IPO7: variants seen among roughly 807,000 people sequenced by gnomAD.
IPO7 encodes the protein importin-7.
A neutral mutation model predicts 136.4 loss-of-function variants in IPO7; 13 were observed. That is an observed-to-expected ratio of 0.10 (90% CI 0.06 to 0.15). IPO7 has a LOEUF of 0.15. Ranked by LOEUF, IPO7 falls within the 10% of genes least tolerant of loss-of-function variation. The pLI is 1.00. For synonymous variants in IPO7, 403 were observed against 404.4 expected (o/e 1.00, Z 0.04); for missense variants, 857 against 1,240.6 (o/e 0.69, Z 4.65).
chr11:9,437,691 T>G (rs1855398998), intron 20 of IPO7, 63 bp from the exon 21 acceptor site: 1 of 1,222,532 alleles, frequency 8.2e-7, no homozygotes, highest in Admixed American at 2.1e-5. Flanking sequence ...GAAGTTAATA[T>G]TTTTAGAATG....
intron 1 of IPO7, among the ~76,000 whole-genome samples, chr11:9,386,319 A>G (rs1854551706): frequency 6.6e-6 from 1 of 152,144 alleles, no homozygotes; most frequent in Admixed American, 6.6e-5. Context: ...ATTTTTTTGG[A>G]TATAAAATAG....
rs1286752352 is a variant in IPO7, at chr11:9,447,654, T to C, written c.*2460T>C. 1 of 152,212 alleles carries C rather than the reference T, an allele frequency of 6.6e-6. No individual in the cohort carries two copies. Among genetic ancestry groups the C allele is most frequent in the Non-Finnish European group, 1.5e-5 (1 of 68,036 alleles). 9.4% of individuals were successfully genotyped at this position (152,212 alleles called of 1,614,324 possible). A position where few individuals can be genotyped will look rare whatever the true frequency, so the allele number is the denominator to read the frequency against. On this transcript the variant is annotated 3_prime_UTR_variant, in exon 25 of 25. Coordinates refer to ENST00000379719, the MANE Select transcript of IPO7 (RefSeq NM_006391.3). ...GTTTTATTACCCTGTAATTTTTTTT[T>C]AGTTGTAGAAGTTAATTCTGATTTT... is the stretch of plus-strand genomic sequence containing the variant.
intron 2 of IPO7, among the ~76,000 whole-genome samples, chr11:9,405,511 C>T (rs919213038): frequency 2.6e-5 from 4 of 152,108 alleles, no homozygotes; most frequent in Non-Finnish European, 5.9e-5. Context: ...TAAACTCTGC[C>T]TCCCAGGCTC....
chr11:9,402,532 G>A (rs1479767997), intron 1 of IPO7, among the ~76,000 whole-genome samples: 8 of 151,674 alleles, frequency 5.3e-5, no homozygotes, highest in Admixed American at 2.6e-4. Context: ...GACCAGCTTG[G>A]CCAATATGGT....
At chr11:9,428,682 C>T (rs1481763174) in intron 13 of IPO7, 53 bp downstream of exon 13, 7 of 960,476 alleles carry the variant, frequency 7.3e-6, no homozygotes, top group African/African-American at 1.6e-5. Flanking sequence ...ATGAATGACT[C>T]TGTGGACTTT....
intron 1 of IPO7, chr11:9,392,092 A>G (rs1377179285): frequency 3.2e-6 from 1 of 308,292 alleles, no homozygotes; most frequent in African/African-American, 2.3e-5. Flanking sequence ...TCCTGAGTCT[A>G]CGACTATAAT....
At chr11:9,411,584 T>A (rs758438379) in intron 4 of IPO7, among the ~76,000 whole-genome samples, 1 of 151,998 alleles carries the variant, frequency 6.6e-6, no homozygotes, top group Non-Finnish European at 1.5e-5. Context: ...TTAAAGAGGG[T>A]TTTGAGTGCC....
At chr11:9,443,729 A>G (rs1321427168) in intron 24 of IPO7, among the ~76,000 whole-genome samples, 1 of 150,776 alleles carries the variant, frequency 6.6e-6, no homozygotes, top group Non-Finnish European at 1.5e-5. Context: ...ATAGTGAGAC[A>G]TCATCTCTAC....
rs1252406514 is a variant in IPO7 at position 9,430,998 on chromosome 11, A to C, written c.1876A>C (p.Lys626Gln). 1 of 1,612,704 alleles carries C rather than the reference A, an allele frequency of 6.2e-7. No individual in the cohort carries two copies. Among genetic ancestry groups the C allele is most frequent in the East Asian group, 2.2e-5 (1 of 44,838 alleles). ...ACTTCTTAGTGTAGTTGAAGATCAT[A>C]AAGAGGTAAGAAGATGATCTAGTGT... ...DTLLSVVEDH[K>Q]EITQQLEGIC... The change falls in exon 16 of 25, where the codon AAA (lysine) becomes CAA (glutamine). Residue 626 changes from lysine (K) to glutamine (Q), a missense_variant. Around this residue, in one of 11 missense-constraint regions of IPO7, gnomAD observed 190 missense variants for 249.0 expected, o/e 0.76. Transcript: ENST00000379719.
chr11:9,420,617 T>C lies in IPO7; in HGVS notation c.825T>C (p.Tyr275=), dbSNP rs200638089. 1.3e-4 allele frequency: 203 copies of C among 1,611,314 alleles called. No individual in the cohort carries two copies. Among genetic ancestry groups the C allele is most frequent in the Non-Finnish European group, 1.6e-4 (193 of 1,177,702 alleles). ...GGGCATTTTGATGTTCTTTTAGATATGGAAGCCCTGGCAATGTTTCCAAGG... is the reference window on the plus strand; with the variant it reads ...GGGCATTTTGATGTTCTTTTAGATACGGAAGCCCTGGCAATGTTTCCAAGG... ...LHILARLFER[Y]GSPGNVSKEY... is the part of the protein sequence containing the mutation. Residue 275 remains tyrosine (Y), a synonymous_variant, in exon 8 of 25, where the codon TAT becomes TAC. Coordinates refer to ENST00000379719, the MANE Select transcript of IPO7 (RefSeq NM_006391.3).
intron 1 of IPO7, among the ~76,000 whole-genome samples, chr11:9,393,482 C>G (rs918546883): frequency 2.0e-5 from 3 of 152,134 alleles, no homozygotes; most frequent in African/African-American, 7.2e-5. Flanking sequence ...TGGGTTCAAG[C>G]AGTTCTCCTG....
chr11:9,396,779 A>G (rs1252642026), intron 1 of IPO7, among the ~76,000 whole-genome samples: 1 of 152,198 alleles, frequency 6.6e-6, no homozygotes, highest in Non-Finnish European at 1.5e-5. Context: ...GCCGAATAGC[A>G]TTCTATTGTA....
At chr11:9,430,344 A>G (rs551752094) in intron 15 of IPO7, 1 of 155,184 alleles carries the variant, frequency 6.4e-6, no homozygotes. Context: ...ATGAGGTATA[A>G]AATGGTTTAT....
intron 2 of IPO7, 30 bp downstream of exon 2, chr11:9,403,401 G>A: frequency 6.8e-7 from 1 of 1,478,058 alleles, no homozygotes; most frequent in Non-Finnish European, 9.4e-7. Context: ...TTGAGTGTAT[G>A]TAATCTATTG....
At chr11:9,388,230 T>A (rs1442630977) in intron 1 of IPO7, among the ~76,000 whole-genome samples, 2 of 150,638 alleles carry the variant, frequency 1.3e-5, no homozygotes, top group Non-Finnish European at 3.0e-5. Context: ...CAGGCTGGAG[T>A]GCAGTGGCGC....
At chr11:9,428,822 T>C in intron 13 of IPO7, 193 bp downstream of exon 13, 1 of 783,786 alleles carries the variant, frequency 1.3e-6, no homozygotes, top group Non-Finnish European at 2.4e-6. Context: ...AGTGTCTGTC[T>C]GTGTTTTTCA....
At position 9,446,093 on chromosome 11, in the gene IPO7, C is replaced by G. The variant is rs189553736; in HGVS notation, c.*899C>G. On this transcript the variant is annotated 3_prime_UTR_variant, in exon 25 of 25. Transcript: ENST00000379719. The stretch of plus-strand genomic sequence containing the variant: ...ACAAGTGGGTATTTGAATACCAGAC[C>G]TTACTGTAAAAAATAAAAAAGGTGG... 1 of 151,896 alleles carries G rather than the reference C, an allele frequency of 6.6e-6. No individual in the cohort carries two copies. The highest frequency in any genetic ancestry group is 1.5e-5 in the Non-Finnish European group (1 of 67,964). The allele number at this position is 151,896 out of a possible 1,614,324, so 9.4% of individuals were successfully genotyped here. A position where few individuals can be genotyped will look rare whatever the true frequency, so the allele number is the denominator to read the frequency against.
At chr11:9,402,895 T>G in intron 1 of IPO7, 1 of 203,048 alleles carries the variant, frequency 4.9e-6, no homozygotes. Context: ...TGTGCACCTG[T>G]ATGTAGTCTC....
At position 9,447,518 on chromosome 11, in the gene IPO7, A is replaced by G. The variant is rs1565007604; in HGVS notation, c.*2324A>G. On this transcript the variant is annotated 3_prime_UTR_variant, in exon 25 of 25. Transcript: ENST00000379719. ...AATCTTAACATGTATCAGTTTCTAG[A>G]TGAGGCTGCAGGATTTTTGGAAAAC... The G allele has an allele frequency of 6.6e-6, 1 of 152,192 alleles. No homozygotes were observed. The allele number at this position is 152,192 out of a possible 1,614,324, so 9.4% of individuals were successfully genotyped here.
Sources: gnomAD v4.1 joint callset for allele counts (sites outside exome capture counted in the v4.1 genomes callset) on GRCh38, gnomAD v4.1.1 for gene constraint, gnomAD v4.1.1 regional missense constraint, MANE v1.5 for transcripts, NCBI Gene and HGNC (gene_info 2026-07-23, HGNC 2026-07-21) for gene names.